Variants in ARHGAP15 observed in about 807,000 individuals in gnomAD.
ARHGAP15 encodes rho GTPase-activating protein 15.
Under a neutral mutation model 63.7 loss-of-function variants are expected in ARHGAP15, and 51 were observed. The ratio of observed to expected loss-of-function variants is 0.80; its 90% CI spans 0.64 to 1.01. The LOEUF (loss-of-function observed/expected upper bound fraction) is 1.01. Ranked by LOEUF, ARHGAP15 falls within the 50% of genes least tolerant of loss-of-function variation. The probability of loss-of-function intolerance (pLI) is 0.00; values close to 1 mark genes in which losing one functional copy is unlikely to be tolerated. For synonymous variants in ARHGAP15, 191 were observed against 193.8 expected (o/e 0.99, Z 0.12); for missense variants, 560 against 564.6 (o/e 0.99, Z 0.08).
intron 13 of ARHGAP15, among the ~76,000 whole-genome samples, chr2:143,737,037 A>G (rs932164943): frequency 6.6e-6 from 1 of 152,240 alleles, no homozygotes; most frequent in Non-Finnish European, 1.5e-5. Flanking sequence ...TAAATTACAT[A>G]ATTACAATAA....
intron 6 of ARHGAP15, among the ~76,000 whole-genome samples, chr2:143,372,056 T>C (rs1686583554): frequency 6.7e-6 from 1 of 150,134 alleles, no homozygotes; most frequent in Non-Finnish European, 1.5e-5. Context: ...ATAGGACTAG[T>C]CAGCTGGGCA....
intron 6 of ARHGAP15, among the ~76,000 whole-genome samples, chr2:143,381,947 CTT>C (rs923402458): frequency 2.6e-5 from 4 of 151,966 alleles, no homozygotes; most frequent in African/African-American, 9.7e-5. Flanking sequence ...CTCTTTGTAT[CTT>C]TTTCTTATGT....
At chr2:143,381,127 C>T (rs999741163) in intron 6 of ARHGAP15, among the ~76,000 whole-genome samples, 6 of 152,056 alleles carry the variant, frequency 3.9e-5, no homozygotes, top group Non-Finnish European at 8.8e-5. Flanking sequence ...AGTCTAGTTG[C>T]GTGTATTTAA....
chr2:143,644,219 A>G (rs1680754146), intron 12 of ARHGAP15, among the ~76,000 whole-genome samples: 1 of 152,114 alleles, frequency 6.6e-6, no homozygotes, highest in South Asian at 2.1e-4. Flanking sequence ...GGACAAAAGT[A>G]TGATCTAATG....
chr2:143,288,542 C>T (rs562502317), intron 6 of ARHGAP15, among the ~76,000 whole-genome samples: 29 of 152,080 alleles, frequency 1.9e-4, no homozygotes, highest in African/African-American at 6.5e-4. Flanking sequence ...TAGAAACCTC[C>T]GAGTTATTTT....
At chr2:143,746,146 G>A (rs868826426) in intron 13 of ARHGAP15, among the ~76,000 whole-genome samples, 6 of 152,180 alleles carry the variant, frequency 3.9e-5, no homozygotes, top group Admixed American at 6.5e-5. Flanking sequence ...GAAATTACCC[G>A]TAAGAAACCA....
intron 8 of ARHGAP15, among the ~76,000 whole-genome samples, chr2:143,475,010 T>A (rs139806682): frequency 8.5e-5 from 13 of 152,280 alleles, no homozygotes; most frequent in African/African-American, 3.1e-4. Flanking sequence ...GTCACACACA[T>A]GGTGACCACC....
intron 6 of ARHGAP15, among the ~76,000 whole-genome samples, chr2:143,374,031 T>C (rs1686696064): frequency 6.6e-6 from 1 of 152,176 alleles, no homozygotes; most frequent in Admixed American, 6.5e-5. Context: ...TAACAACAAA[T>C]CCCAAATATT....
At chr2:143,334,774 T>C (rs1362070740) in intron 6 of ARHGAP15, among the ~76,000 whole-genome samples, 1 of 152,152 alleles carries the variant, frequency 6.6e-6, no homozygotes, top group Non-Finnish European at 1.5e-5. Flanking sequence ...CAAAATAAAA[T>C]TGGTAACTAA....
chr2:143,407,095 A>G lies in ARHGAP15; in HGVS notation c.475-28506A>G, dbSNP rs573024034. 2.2e-4 allele frequency among the ~76,000 whole-genome samples: 34 copies of G among 152,112 alleles called. No homozygotes were observed. The South Asian group carries it at 7.0e-3, about 31-fold the overall frequency. On this transcript the variant is annotated intron_variant, in intron 6 of 13. Transcript: ENST00000295095. ...GAAATATTTGGGCTACCATTTATTC[A>G]TGCTTATCCCTATTATATCTTTTGT...
intron 6 of ARHGAP15, among the ~76,000 whole-genome samples, chr2:143,409,792 G>A (rs929534674): frequency 1.3e-5 from 2 of 152,078 alleles, no homozygotes; most frequent in Admixed American, 1.3e-4. Flanking sequence ...ACAAGCAATA[G>A]GCTATACCAT....
At chr2:143,155,918 T>C (rs1378511376) in intron 2 of ARHGAP15, among the ~76,000 whole-genome samples, 1 of 151,840 alleles carries the variant, frequency 6.6e-6, no homozygotes, top group African/African-American at 2.4e-5. Context: ...GCCTCTACTA[T>C]CATGCTTCAG....
At chr2:143,483,841 T>C (rs1692188669) in intron 8 of ARHGAP15, among the ~76,000 whole-genome samples, 1 of 152,228 alleles carries the variant, frequency 6.6e-6, no homozygotes, top group Non-Finnish European at 1.5e-5. Context: ...GCACTTGATA[T>C]TTCTCCAAAA....
chr2:143,547,317 C>G (rs1339657041), intron 10 of ARHGAP15, among the ~76,000 whole-genome samples: 1 of 152,236 alleles, frequency 6.6e-6, no homozygotes, highest in South Asian at 2.1e-4. Context: ...GCTTATCAAT[C>G]TATATCACAT....
rs1010538331 is a variant in ARHGAP15 at position 143,467,220 on chromosome 2, T to C, written c.704-20153T>C. On this transcript the variant is annotated intron_variant, in intron 8 of 13. Transcript: ENST00000295095. ...GAAAACTTGAAATAATGCTTAGTCA[T>C]GCTATTCAATTACTCCATGGCCTTT... Among the ~76,000 whole-genome samples, 6 of 148,830 alleles carry C rather than the reference T, an allele frequency of 4.0e-5. No individual in the cohort carries two copies. The Admixed American group carries it at 4.0e-4, about 10-fold the overall frequency.
At position 143,416,906 on chromosome 2, in the gene ARHGAP15, G is replaced by A. The variant is rs572398322; in HGVS notation, c.475-18695G>A. On this transcript the variant is annotated intron_variant, in intron 6 of 13. Transcript: ENST00000295095. ...AGGATCAGGCAACAGATTTCTCTCA[G>A]CATACTGTCTCACCTCTAACCCCTC... 2.1e-5 allele frequency among the ~76,000 whole-genome samples: 3 copies of A among 146,318 alleles called. No homozygotes were observed. The East Asian group carries it at 6.4e-4, about 31-fold the overall frequency.
chr2:143,738,094 A>G (rs1275852982), intron 13 of ARHGAP15, among the ~76,000 whole-genome samples: 3 of 150,824 alleles, frequency 2.0e-5, no homozygotes, highest in Non-Finnish European at 4.4e-5. Context: ...CATCGGCAGC[A>G]TATATATATT....
intron 12 of ARHGAP15, among the ~76,000 whole-genome samples, chr2:143,628,742 T>C (rs1698943296): frequency 6.6e-6 from 1 of 152,210 alleles, no homozygotes; most frequent in Admixed American, 6.5e-5. Context: ...GCTTCTTCTT[T>C]ATATGGGTAA....
At chr2:143,131,031 G>A (rs919999941) in intron 1 of ARHGAP15, among the ~76,000 whole-genome samples, 2 of 152,082 alleles carry the variant, frequency 1.3e-5, no homozygotes, top group Non-Finnish European at 2.9e-5. Context: ...TGGCATTGAG[G>A]AAAAGTCCAT....
Sources: allele counts gnomAD v4.1 joint callset (sites outside exome capture counted in the v4.1 genomes callset), GRCh38; gene constraint gnomAD v4.1.1; transcripts MANE v1.5; gene names NCBI Gene and HGNC (gene_info 2026-07-23, HGNC 2026-07-21).